ERF: variants seen among roughly 807,000 people sequenced by gnomAD.
The protein encoded by ERF is ETS domain-containing transcription factor ERF.
A neutral mutation model predicts 41.6 loss-of-function variants in ERF; 10 were observed. The observed-to-expected ratio is 0.24, with a 90% CI of 0.15 to 0.41. The LOEUF is 0.41. ERF is among the 10% of genes least tolerant of loss of function. The probability of loss-of-function intolerance (pLI) is 1.00; values close to 1 mark genes in which losing one functional copy is unlikely to be tolerated. For missense variants in ERF, 621 were observed against 763.2 expected, an observed-to-expected ratio of 0.81 and a Z score of 2.19; for synonymous variants, 395 against 342.4, an observed-to-expected ratio of 1.15 and a Z score of -1.70.
intron 1 of ERF, chr19:42,251,229 C>T: frequency 1.0e-6 from 1 of 985,242 alleles, no homozygotes; most frequent in African/African-American, 1.7e-5. Context: ...AGCTACACTG[C>T]CCTCCCCAGA....
intron 1 of ERF, chr19:42,253,887 G>A: frequency 9.2e-7 from 1 of 1,083,108 alleles, no homozygotes; most frequent in Non-Finnish European, 1.1e-6. Context: ...CGCCGCCGCC[G>A]GGGGAAGGAA....
At chr19:42,251,528 G>A (rs572479996) in intron 1 of ERF, 212 of 251,852 alleles carry the variant, frequency 8.4e-4, no homozygotes, top group African/African-American at 1.2e-3. Context: ...CCAGGCAGCC[G>A]GTAATGGAGG....
rs1255391156 is a variant in ERF, at chr19:42,250,674, C to T, written c.23-109G>A. 21 of 1,034,810 alleles carry T rather than the reference C, an allele frequency of 2.0e-5. No individual in the cohort carries two copies. Among genetic ancestry groups the T allele is most frequent in the Non-Finnish European group, 2.7e-5 (19 of 707,364 alleles). 64.1% of individuals were successfully genotyped at this position (1,034,810 alleles called of 1,614,324 possible). ...CTGCCTTCAACATGGGGAAATCTGT[C>T]TCACCTCAGCCAAGTCAAGATCTGA... On this transcript the variant is annotated intron_variant, in intron 1 of 3. Coordinates refer to ENST00000222329, the MANE Select transcript of ERF (RefSeq NM_006494.4). The surrounding 1 kb of genome is among the most constrained non-coding windows in gnomAD (Gnocchi z 5.1).
chr19:42,248,906 G>A lies in ERF; in HGVS notation c.1206C>T (p.Ser402=), dbSNP rs754788068. Reference sequence around the variant, plus strand: ...CAGCCAGCCCGCCTGCACTGCCACCGCTCTTGTCAGCACCGGCTACGGCCT... The same window carrying A: ...CAGCCAGCCCGCCTGCACTGCCACCACTCTTGTCAGCACCGGCTACGGCCT... ...GEKAVAGADK[S]GGSAGGLAEG... Residue 402 remains serine, a synonymous_variant, in exon 4 of 4, where the codon AGC becomes AGT. Transcript: ENST00000222329. This position sits in a 1 kb window ranked among gnomAD's most constrained non-coding sequence, Gnocchi z 4.2. 24 of 1,602,954 alleles carry A rather than the reference G, an allele frequency of 1.5e-5. No individual in the cohort carries two copies. Among genetic ancestry groups the A allele is most frequent in the African/African-American group, 1.3e-4 (10 of 74,688 alleles).
At chr19:42,254,380 G>T (rs568408045) in intron 1 of ERF, among the ~76,000 whole-genome samples, 1 of 151,964 alleles carries the variant, frequency 6.6e-6, no homozygotes, top group Non-Finnish European at 1.5e-5. Context: ...TTTTTCGAAC[G>T]TTCGGGCTGC....
Position 42,249,415 on chromosome 19 carries a change from G to A in ERF, c.697C>T (p.Arg233Ter), listed in dbSNP as rs2036401878. Reference protein sequence around the residue: ...ARLPHDPGVFRVYPRPRGGPE... With the variant: ...ARLPHDPGVF Reference sequence around the variant, plus strand: ...CCACCCCGAGGCCGGGGATAGACTCGGAAGACACCAGGGTCATGGGGCAGG... The same window carrying A: ...CCACCCCGAGGCCGGGGATAGACTCAGAAGACACCAGGGTCATGGGGCAGG... Residue 233 changes from arginine to a stop codon, truncating the protein, a stop_gained, in exon 4 of 4, where the codon CGA becomes TGA. Transcript: ENST00000222329. LOFTEE classifies it high-confidence loss of function. The surrounding 1 kb of genome is among the most constrained non-coding windows in gnomAD (Gnocchi z 8.6). The A allele has an allele frequency of 6.3e-7, 1 of 1,585,172 alleles. No homozygotes were observed.
intron 1 of ERF, chr19:42,253,948 CCCGGG>C: frequency 9.7e-7 from 1 of 1,026,366 alleles, no homozygotes; most frequent in Non-Finnish European, 1.2e-6. Flanking sequence ...CCGTCCCCGC[CCCGGG>C]CCGGATTCCG....
At position 42,249,453 on chromosome 19, in the gene ERF, G is replaced by T. The variant is rs200767779; in HGVS notation, c.659C>A (p.Pro220His). ...GPPDLGAFRG[P>H]PLARLPHDPG... is the part of the protein sequence containing the mutation. Reference sequence around the variant, plus strand: ...GTCATGGGGCAGGCGGGCCAGCGGGGGCCCTCGGAAGGCACCCAGATCCGG... The same window carrying T: ...GTCATGGGGCAGGCGGGCCAGCGGGTGCCCTCGGAAGGCACCCAGATCCGG... The change falls in exon 4 of 4, where the codon CCC becomes CAC. Residue 220 changes from proline (P) to histidine (H), a missense_variant. This residue lies in a region of ERF where 569 missense variants were observed against 625.5 expected (regional missense o/e 0.91). Transcript: ENST00000222329. This position sits in a 1 kb window ranked among gnomAD's most constrained non-coding sequence, Gnocchi z 8.6. 758 of 1,598,702 alleles carry T rather than the reference G, an allele frequency of 4.7e-4. 1 individual carries two copies. Among genetic ancestry groups the T allele is most frequent in the Non-Finnish European group, 2.5e-4 (288 of 1,173,460 alleles).
Position 42,248,454 on chromosome 19 carries a change from G to A in ERF, c.*11C>T, listed in dbSNP as rs374187544. 3.2e-4 allele frequency: 476 copies of A among 1,483,232 alleles called. No individual in the cohort carries two copies. The highest frequency in any genetic ancestry group is 4.0e-4 in the Non-Finnish European group (442 of 1,117,722). 91.9% of individuals were successfully genotyped at this position (1,483,232 alleles called of 1,614,324 possible). On this transcript the variant is annotated 3_prime_UTR_variant, in exon 4 of 4. Transcript: ENST00000222329. The surrounding 1 kb of genome is among the most constrained non-coding windows in gnomAD (Gnocchi z 4.2). ...GGGGTGCGGGGCACACAGGTCCCCT[G>A]CCCACAGCCCTCAGGAGTCTCGGTG...
rs376218770 is a variant in ERF, at chr19:42,248,954, G to A, written c.1158C>T (p.Arg386=). ...KFKLQPPPLG[R]RQRAAGEKAV... The stretch of plus-strand genomic sequence containing the variant: ...CCTTCTCCCCAGCTGCCCGCTGCCG[G>A]CGTCCGAGTGGGGGCGGCTGGAGCT... Residue 386 remains arginine (R), a synonymous_variant, in exon 4 of 4, where the codon CGC becomes CGT. Transcript: ENST00000222329. This position sits in a 1 kb window ranked among gnomAD's most constrained non-coding sequence, Gnocchi z 4.2. The A allele has an allele frequency of 1.3e-4, 203 of 1,606,314 alleles. No homozygotes were observed. The highest frequency in any genetic ancestry group is 1.6e-4 in the Non-Finnish European group (183 of 1,179,600).
At chr19:42,254,075 A>C (rs1352639885) in intron 1 of ERF, among the ~76,000 whole-genome samples, 8 of 148,908 alleles carry the variant, frequency 5.4e-5, no homozygotes, top group African/African-American at 1.7e-4. Flanking sequence ...GAAAAGTCCG[A>C]GTGGGAGGGG....
At position 42,255,073 on chromosome 19, in the gene ERF, C is replaced by A; in HGVS notation, c.-74G>T. The A allele has an allele frequency of 1.6e-6, 2 of 1,234,506 alleles. No homozygotes were observed. Among genetic ancestry groups the A allele is most frequent in the Non-Finnish European group, 2.0e-6 (2 of 977,464 alleles). 76.5% of individuals were successfully genotyped at this position (1,234,506 alleles called of 1,614,324 possible). On this transcript the variant is annotated 5_prime_UTR_variant, in exon 1 of 4. Transcript: ENST00000222329. ...GCGCCCTCGCTGCCCCGTCCCGTCC[C>A]GCGCCCGTCGGGCCGCCCTCGCCGC...
chr19:42,253,740 G>A (rs1305377656), intron 1 of ERF: 1 of 496,134 alleles, frequency 2.0e-6, no homozygotes, highest in African/African-American at 2.1e-5. Flanking sequence ...AGCCCTTTAA[G>A]ATTAAGCCGC....
At chr19:42,253,921 G>GCCCCCCT in intron 1 of ERF, 1 of 1,053,068 alleles carries the variant, frequency 9.5e-7, no homozygotes, top group Non-Finnish European at 1.1e-6. Context: ...GCGGCGCCCG[G>GCCCCCCT]CCCCCTTCCC....
rs994729381 is a variant in ERF, at chr19:42,250,190, G to A, written c.257+141C>T. 8 of 942,870 alleles carry A rather than the reference G, an allele frequency of 8.5e-6. No homozygotes were observed. In the African/African-American group the frequency reaches 1.3e-4, roughly 15 times the overall value. The allele number at this position is 942,870 out of a possible 1,614,324, so 58.4% of individuals were successfully genotyped here. On this transcript the variant is annotated intron_variant, in intron 2 of 3. Coordinates refer to ENST00000222329, the MANE Select transcript of ERF (RefSeq NM_006494.4). This position sits in a 1 kb window ranked among gnomAD's most constrained non-coding sequence, Gnocchi z 5.1. ...TGTGTTACCAAGGGGCTCAGGGAAG[G>A]GCTGGGAGTGGCCCAAGGTCACACA...
chr19:42,252,065 C>G (rs1007329495), intron 1 of ERF, among the ~76,000 whole-genome samples: 14 of 152,190 alleles, frequency 9.2e-5, no homozygotes, highest in African/African-American at 3.1e-4. Context: ...CACCATCGCT[C>G]TCTTGGGAAT....
chr19:42,255,099 C>T lies in ERF; in HGVS notation c.-100G>A, dbSNP rs2146960391. ...GCGCCCGTCGGGCCGCCCTCGCCGC[C>T]TCACCCGGCCTCGCCTCTCAGAGCC... On this transcript the variant is annotated 5_prime_UTR_variant, in exon 1 of 4. Transcript: ENST00000222329. 1.9e-6 allele frequency: 2 copies of T among 1,065,950 alleles called. No individual in the cohort carries two copies. The highest frequency in any genetic ancestry group is 3.4e-5 in the East Asian group (1 of 29,130). The allele number at this position is 1,065,950 out of a possible 1,614,324, so 66.0% of individuals were successfully genotyped here.
intron 1 of ERF, chr19:42,253,993 A>G (rs2036491288): frequency 2.1e-6 from 2 of 959,776 alleles, no homozygotes; most frequent in Non-Finnish European, 2.5e-6. Flanking sequence ...GGCGGCTGGG[A>G]CCCCTCCCCC....
Position 42,249,605 on chromosome 19 carries a change from TGAA to T in ERF, c.504_506del (p.Ser171del), listed in dbSNP as rs1287671583. The T allele has an allele frequency of 5.6e-6, 9 of 1,613,034 alleles. No individual in the cohort carries two copies. Among genetic ancestry groups the T allele is most frequent in the South Asian group, 1.1e-5 (1 of 91,018 alleles). On this transcript the variant is annotated inframe_deletion, in exon 4 of 4. Coordinates refer to ENST00000222329, the MANE Select transcript of ERF (RefSeq NM_006494.4). The surrounding 1 kb of genome is among the most constrained non-coding windows in gnomAD (Gnocchi z 8.6). ...CCACCACAGCCGAGAAGAGGGAAGA[TGAA>T]GATGAAGAGCAGGCTGGTGGTGAGC...
Sources: allele counts gnomAD v4.1 joint callset (sites outside exome capture counted in the v4.1 genomes callset), GRCh38; gene constraint gnomAD v4.1.1; regional missense constraint gnomAD v4.1.1; non-coding constraint Gnocchi (gnomAD v3.1); transcripts MANE v1.5; gene names NCBI Gene and HGNC (gene_info 2026-07-23, HGNC 2026-07-21).